CAMKMT: variants seen among roughly 807,000 people sequenced by gnomAD.
CAMKMT encodes the protein calmodulin-lysine N-methyltransferase, also known as CaM KMT.
CAMKMT carries 53 observed loss-of-function variants against 48.0 expected under a neutral mutation model. That is an observed-to-expected ratio of 1.10 (90% CI 0.89 to 1.39). The LOEUF is 1.39. CAMKMT is among the 40% of genes most tolerant of loss of function. The pLI, the probability that CAMKMT is intolerant of heterozygous loss-of-function variation, is 0.00. For missense variants in CAMKMT, 428 were observed against 402.7 expected (o/e 1.06, Z -0.54); for synonymous variants, 165 against 152.3 (o/e 1.08, Z -0.61).
At chr2:44,378,649 A>G (rs1303924742) in intron 2 of CAMKMT, among the ~76,000 whole-genome samples, 1 of 152,086 alleles carries the variant, frequency 6.6e-6, no homozygotes, top group Non-Finnish European at 1.5e-5. Context: ...ATGTGCCACC[A>G]CGCCCAGCTA....
chr2:44,363,691 T>C (rs75099387), intron 1 of CAMKMT, among the ~76,000 whole-genome samples: 26 of 148,128 alleles, frequency 1.8e-4, no homozygotes, highest in East Asian at 5.9e-4. Flanking sequence ...CCCCCTTCTT[T>C]TTTTTTTTTT....
intron 3 of CAMKMT, among the ~76,000 whole-genome samples, chr2:44,682,538 A>T (rs1676081533): frequency 6.6e-6 from 1 of 152,148 alleles, no homozygotes; most frequent in African/African-American, 2.4e-5. Flanking sequence ...CCAACCAATC[A>T]TCTCTTCAGC....
At chr2:44,545,877 G>A (rs1227756708) in intron 3 of CAMKMT, among the ~76,000 whole-genome samples, 2 of 151,412 alleles carry the variant, frequency 1.3e-5, no homozygotes, top group Admixed American at 6.6e-5. Context: ...TCAAAAGGAG[G>A]GATCATCAAC....
At chr2:44,683,251 A>G (rs1389756287) in intron 3 of CAMKMT, among the ~76,000 whole-genome samples, 3 of 152,188 alleles carry the variant, frequency 2.0e-5, no homozygotes, top group African/African-American at 4.8e-5. Flanking sequence ...GCATCTGTGA[A>G]TATGTTGAAA....
intron 3 of CAMKMT, among the ~76,000 whole-genome samples, chr2:44,592,619 T>G (rs1670365921): frequency 6.6e-6 from 1 of 152,202 alleles, no homozygotes; most frequent in South Asian, 2.1e-4. Context: ...GTTAATCTCT[T>G]ATACTATGCC....
intron 3 of CAMKMT, among the ~76,000 whole-genome samples, chr2:44,485,627 A>G (rs1277345653): frequency 6.6e-6 from 1 of 152,170 alleles, no homozygotes. Flanking sequence ...CCTCTCCAGC[A>G]TGTTACTGTA....
chr2:44,429,937 G>A (rs1558607548), intron 3 of CAMKMT, among the ~76,000 whole-genome samples: 1 of 151,346 alleles, frequency 6.6e-6, no homozygotes, highest in Non-Finnish European at 1.5e-5. Context: ...ATATATATGT[G>A]TATATATATG....
chr2:44,654,983 T>A (rs1184379846), intron 3 of CAMKMT, among the ~76,000 whole-genome samples: 1 of 152,222 alleles, frequency 6.6e-6, no homozygotes, highest in Non-Finnish European at 1.5e-5. Context: ...TTTTCCATTT[T>A]TTTGCCATTA....
At chr2:44,695,968 G>A (rs957170359) in intron 3 of CAMKMT, among the ~76,000 whole-genome samples, 2 of 151,740 alleles carry the variant, frequency 1.3e-5, no homozygotes, top group African/African-American at 4.8e-5. Flanking sequence ...TTTGAGACAG[G>A]GTCTCACTCT....
At position 44,714,671 on chromosome 2, in the gene CAMKMT, CAG is replaced by C. The variant is rs370946949; in HGVS notation, c.557-611_557-610del. 9.2e-5 allele frequency among the ~76,000 whole-genome samples: 14 copies of C among 152,312 alleles called. No individual in the cohort carries two copies. In the South Asian group the frequency reaches 2.7e-3, roughly 29 times the overall value. Reference sequence around the variant, plus strand: ...AGACTGACATTGCTCTCCCTGCTGACAGAGAGGCTTGCCTTTGGACTCCTTGC... The same window carrying C: ...AGACTGACATTGCTCTCCCTGCTGACAGAGGCTTGCCTTTGGACTCCTTGC... On this transcript the variant is annotated intron_variant, in intron 6 of 10. Transcript: ENST00000378494.
intron 3 of CAMKMT, among the ~76,000 whole-genome samples, chr2:44,559,796 A>G (rs1668226597): frequency 2.0e-5 from 3 of 152,216 alleles, no homozygotes; most frequent in South Asian, 2.1e-4. Context: ...ACTATTCAGA[A>G]TCAAGTTTTT....
At chr2:44,528,757 T>C (rs1666307971) in intron 3 of CAMKMT, among the ~76,000 whole-genome samples, 1 of 152,194 alleles carries the variant, frequency 6.6e-6, no homozygotes, top group Admixed American at 6.5e-5. Context: ...CTATTCATCT[T>C]GTTTCTTGCA....
chr2:44,471,226 G>C (rs541672192), intron 3 of CAMKMT, among the ~76,000 whole-genome samples: 1 of 152,194 alleles, frequency 6.6e-6, no homozygotes, highest in Non-Finnish European at 1.5e-5. Context: ...CCTGACCTCA[G>C]GTGGTCTGCC....
chr2:44,647,317 T>C (rs190478243), intron 3 of CAMKMT, among the ~76,000 whole-genome samples: 2 of 152,202 alleles, frequency 1.3e-5, no homozygotes, highest in Non-Finnish European at 2.9e-5. Flanking sequence ...TTACCCCTTT[T>C]CGTAAAGTGT....
At position 44,686,815 on chromosome 2, in the gene CAMKMT, G is replaced by T. The variant is rs147802204; in HGVS notation, c.377-17468G>T. Reference sequence around the variant, plus strand: ...TCAGGCTGAAATGCTCACTTATCCAGTGTTGAGTCAGAAAGAGAGGAGAAT... The same window carrying T: ...TCAGGCTGAAATGCTCACTTATCCATTGTTGAGTCAGAAAGAGAGGAGAAT... On this transcript the variant is annotated intron_variant, in intron 3 of 10. Transcript: ENST00000378494. Among the ~76,000 whole-genome samples, 220 of 152,350 alleles carry T rather than the reference G, an allele frequency of 1.4e-3. 1 individual carries two copies. Among genetic ancestry groups the T allele is most frequent in the Admixed American group, 4.1e-3 (62 of 15,306 alleles).
intron 3 of CAMKMT, among the ~76,000 whole-genome samples, chr2:44,646,290 A>G (rs1223842646): frequency 6.1e-5 from 9 of 146,412 alleles, no homozygotes; most frequent in East Asian, 3.9e-4. Flanking sequence ...GCTGTTAGGC[A>G]TTGCTAGAAA....
At chr2:44,561,769 T>C (rs901279742) in intron 3 of CAMKMT, among the ~76,000 whole-genome samples, 4 of 152,170 alleles carry the variant, frequency 2.6e-5, no homozygotes, top group African/African-American at 9.7e-5. Flanking sequence ...TCTGGTCACA[T>C]TGGATCCCCT....
intron 3 of CAMKMT, among the ~76,000 whole-genome samples, chr2:44,411,172 C>A (rs1683180097): frequency 6.6e-6 from 1 of 152,098 alleles, no homozygotes; most frequent in Non-Finnish European, 1.5e-5. Flanking sequence ...TCTTTATAGA[C>A]AAAACCTTGT....
intron 3 of CAMKMT, among the ~76,000 whole-genome samples, chr2:44,641,210 G>A (rs796705112): frequency 6.6e-6 from 1 of 152,136 alleles, no homozygotes; most frequent in South Asian, 2.1e-4. Context: ...TCAAGAGTAA[G>A]GCAGTGGTTG....
Sources: allele counts gnomAD v4.1 joint callset (sites outside exome capture counted in the v4.1 genomes callset), GRCh38; gene constraint gnomAD v4.1.1; transcripts MANE v1.5; gene names NCBI Gene and HGNC (gene_info 2026-07-23, HGNC 2026-07-21).